USP34: variants seen among roughly 807,000 people sequenced by gnomAD.
USP34 encodes the protein ubiquitin specific peptidase 34, also known as ubiquitin carboxyl-terminal hydrolase 34.
USP34 carries 70 observed loss-of-function variants against 460.3 expected under a neutral mutation model. The observed-to-expected ratio is 0.15, with a 90% CI of 0.13 to 0.19. The LOEUF (loss-of-function observed/expected upper bound fraction) is 0.19, where lower values mean the gene tolerates loss of function less well. Ranked by LOEUF, USP34 falls within the 10% of genes least tolerant of loss-of-function variation. USP34 has a pLI of 1.00. For missense variants in USP34, 3,985 were observed against 4,236.2 expected (o/e 0.94, Z 1.65); for synonymous variants, 1,647 against 1,405.3 (o/e 1.17, Z -3.85).
Position 61,431,214 on chromosome 2 carries a change from G to C in USP34, c.44-10381C>G, listed in dbSNP as rs142082233. Among the ~76,000 whole-genome samples, 4 of 152,046 alleles carry C rather than the reference G, an allele frequency of 2.6e-5. No homozygotes were observed. The East Asian group carries it at 7.7e-4, about 29-fold the overall frequency. ...ATTTTTTTGTTTTTGTTGTTCTTTG[G>C]AGCTTTATCAGGTTTTTGTTTGTTT... On this transcript the variant is annotated intron_variant, in intron 1 of 79. Transcript: ENST00000398571.
At chr2:61,298,429 T>G (rs1213760977) in intron 29 of USP34, among the ~76,000 whole-genome samples, 1 of 134,052 alleles carries the variant, frequency 7.5e-6, no homozygotes, top group East Asian at 2.3e-4. Context: ...TCCCAGCTAC[T>G]CAGGAGGCTG....
At chr2:61,279,482 T>C (rs1689470313) in intron 39 of USP34, among the ~76,000 whole-genome samples, 1 of 152,184 alleles carries the variant, frequency 6.6e-6, no homozygotes, top group Non-Finnish European at 1.5e-5. Context: ...ACTTTTTTTT[T>C]GAGACGGAGT....
chr2:61,208,366 G>C (rs1394080597), intron 70 of USP34: 1 of 152,230 alleles, frequency 6.6e-6, no homozygotes, highest in East Asian at 1.9e-4. Context: ...CCTACATACA[G>C]ATTGATGTCT....
chr2:61,220,564 A>G, intron 66 of USP34, 107 bp from the exon 67 acceptor site: 2 of 1,066,252 alleles, frequency 1.9e-6, no homozygotes, highest in Non-Finnish European at 1.3e-6. Flanking sequence ...TACTTTTTTG[A>G]CAATTAGAGA....
At chr2:61,466,648 A>C (rs1178161461) in intron 1 of USP34, among the ~76,000 whole-genome samples, 1 of 152,116 alleles carries the variant, frequency 6.6e-6, no homozygotes, top group East Asian at 1.9e-4. Flanking sequence ...ATGCTGGCTC[A>C]CTCCTGTAAT....
intron 1 of USP34, among the ~76,000 whole-genome samples, chr2:61,467,628 T>TTG (rs1312213655): frequency 6.9e-6 from 1 of 145,342 alleles, no homozygotes; most frequent in Non-Finnish European, 1.5e-5. Flanking sequence ...TTTTTTTTTT[T>TTG]TTTTTTTTTG....
At position 61,301,108 on chromosome 2, in the gene USP34, A is replaced by C; in HGVS notation, c.3971T>G (p.Val1324Gly). 6.2e-6 allele frequency: 10 copies of C among 1,614,066 alleles called. No individual in the cohort carries two copies. Among genetic ancestry groups the C allele is most frequent in the Non-Finnish European group, 8.5e-6 (10 of 1,180,002 alleles). Reference protein sequence around the residue: ...APRRERKGEGVQLPASCLPPP... With the variant: ...APRRERKGEGGQLPASCLPPP... ...TGGGAGGCAAGATGCTGGCAGCTGA[A>C]CACCTTCCCCTTTCCGCTCTCTCCT... Residue 1324 changes from valine to glycine, a missense_variant, in exon 29 of 80, where the codon GTT becomes GGT. This residue lies in a region of USP34 where 1,114 missense variants were observed against 1,122.5 expected (regional missense o/e 0.99). Coordinates refer to ENST00000398571, the MANE Select transcript of USP34 (RefSeq NM_014709.4).
At chr2:61,453,806 T>TA (rs1177909096) in intron 1 of USP34, among the ~76,000 whole-genome samples, 2 of 151,886 alleles carry the variant, frequency 1.3e-5, no homozygotes, top group Non-Finnish European at 2.9e-5. Flanking sequence ...TTTCTATGCT[T>TA]AAAAATATTT....
intron 48 of USP34, 75 bp from the exon 49 acceptor site, chr2:61,248,758 T>TA: frequency 1.5e-6 from 2 of 1,350,082 alleles, no homozygotes; most frequent in South Asian, 3.2e-5. Context: ...TGTTATGCTA[T>TA]ATCCATTTCA....
In USP34 at chr2:61,277,321, C is replaced by T. The variant is rs999433875; in HGVS notation, c.5433+844G>A. On this transcript the variant is annotated intron_variant, in intron 41 of 79. Coordinates refer to ENST00000398571, the MANE Select transcript of USP34 (RefSeq NM_014709.4). Reference sequence around the variant, plus strand: ...GTGTGATCATGGCTCACTGAAGCCTCGACCTCCTGAGCTCAAGCAATCCTC... The same window carrying T: ...GTGTGATCATGGCTCACTGAAGCCTTGACCTCCTGAGCTCAAGCAATCCTC... 2.0e-5 allele frequency among the ~76,000 whole-genome samples: 3 copies of T among 151,236 alleles called. No homozygotes were observed. In the South Asian group the frequency reaches 6.3e-4, roughly 32 times the overall value.
chr2:61,259,617 C>T lies in USP34; in HGVS notation c.5844+94G>A, dbSNP rs1332749297. 2.7e-6 allele frequency: 3 copies of T among 1,113,040 alleles called. No individual in the cohort carries two copies. In the Admixed American group the frequency reaches 6.0e-5, roughly 22 times the overall value. 68.9% of individuals were successfully genotyped at this position (1,113,040 alleles called of 1,614,324 possible). On this transcript the variant is annotated intron_variant, in intron 44 of 79. Transcript: ENST00000398571. Reference sequence around the variant, plus strand: ...CCCAGGCTGGTCTCAAGCTCTTGAACTCAAGCCATCCACCCACCTTGGCCT... The same window carrying T: ...CCCAGGCTGGTCTCAAGCTCTTGAATTCAAGCCATCCACCCACCTTGGCCT...
intron 15 of USP34, 43 bp from the exon 16 acceptor site, chr2:61,344,072 G>GA: frequency 6.3e-7 from 1 of 1,581,034 alleles, no homozygotes; most frequent in Non-Finnish European, 8.7e-7. Context: ...TTACGAATGT[G>GA]AATCTAATTT....
chr2:61,394,036 G>A (rs977980443), intron 5 of USP34, among the ~76,000 whole-genome samples: 4 of 151,956 alleles, frequency 2.6e-5, no homozygotes, highest in South Asian at 4.2e-4. Context: ...CAGAAGAATC[G>A]CTTGAACCCA....
intron 51 of USP34, among the ~76,000 whole-genome samples, chr2:61,242,085 A>C (rs912994082): frequency 1.9e-4 from 29 of 152,270 alleles, no homozygotes; most frequent in Non-Finnish European, 3.7e-4. Context: ...TACTATAACA[A>C]AAGAAAACAA....
intron 3 of USP34, among the ~76,000 whole-genome samples, chr2:61,401,791 C>G (rs1693729313): frequency 6.7e-6 from 1 of 150,072 alleles, no homozygotes; most frequent in African/African-American, 2.4e-5. Flanking sequence ...ATATCCTGAC[C>G]TTGTGATCCA....
chr2:61,329,709 A>G (rs547412183), intron 20 of USP34, among the ~76,000 whole-genome samples: 4 of 152,308 alleles, frequency 2.6e-5, no homozygotes, highest in South Asian at 2.1e-4. Flanking sequence ...TTCATATGCT[A>G]TATTATTTGT....
At chr2:61,256,129 G>A (rs1000641472) in intron 48 of USP34, among the ~76,000 whole-genome samples, 1 of 152,056 alleles carries the variant, frequency 6.6e-6, no homozygotes, top group Non-Finnish European at 1.5e-5. Context: ...TGTACTTATC[G>A]TCCATGTATC....
At chr2:61,436,528 A>C (rs905067639) in intron 1 of USP34, among the ~76,000 whole-genome samples, 3 of 152,236 alleles carry the variant, frequency 2.0e-5, no homozygotes, top group Non-Finnish European at 4.4e-5. Context: ...ATACACACGC[A>C]ACCAACACCA....
At chr2:61,415,247 A>C (rs1198305877) in intron 2 of USP34, among the ~76,000 whole-genome samples, 3 of 152,140 alleles carry the variant, frequency 2.0e-5, no homozygotes, top group Non-Finnish European at 2.9e-5. Flanking sequence ...TCAATACTCT[A>C]GGGTTATGAC....
Sources: gnomAD v4.1 joint callset for allele counts (sites outside exome capture counted in the v4.1 genomes callset) on GRCh38, gnomAD v4.1.1 for gene constraint, gnomAD v4.1.1 regional missense constraint, MANE v1.5 for transcripts, NCBI Gene and HGNC (gene_info 2026-07-23, HGNC 2026-07-21) for gene names.